Variants in SOX6 observed in about 807,000 individuals in gnomAD.
SOX6 encodes transcription factor SOX-6.
A neutral mutation model predicts 97.8 loss-of-function variants in SOX6; 11 were observed. The ratio of observed to expected loss-of-function variants is 0.11; its 90% confidence interval spans 0.07 to 0.19. The LOEUF is 0.19. SOX6 is among the 10% of genes least tolerant of loss of function. SOX6 has a pLI of 1.00. For synonymous variants in SOX6, 360 were observed against 371.4 expected (o/e 0.97, Z 0.35); for missense variants, 810 against 1,039.5 (o/e 0.78, Z 3.04).
chr11:16,587,479 T>C (rs1279866478), intron 4 of SOX6, among the ~76,000 whole-genome samples: 1 of 152,222 alleles, frequency 6.6e-6, no homozygotes, highest in Admixed American at 6.5e-5. Context: ...ATAGGTACTA[T>C]TATTATCACC....
intron 7 of SOX6, among the ~76,000 whole-genome samples, chr11:16,100,339 A>T (rs1848912710): frequency 6.6e-6 from 1 of 151,790 alleles, no homozygotes; most frequent in Non-Finnish European, 1.5e-5. Context: ...CACTACTGTA[A>T]TCTGGCCCTT....
chr11:16,375,317 T>C (rs1453309806), intron 1 of SOX6, among the ~76,000 whole-genome samples: 1 of 152,094 alleles, frequency 6.6e-6, no homozygotes, highest in Non-Finnish European at 1.5e-5. Context: ...ATTTTTTGCA[T>C]CACTGAACCA....
intron 3 of SOX6, among the ~76,000 whole-genome samples, chr11:16,285,596 G>A (rs1854711947): frequency 6.6e-6 from 1 of 151,972 alleles, no homozygotes; most frequent in Non-Finnish European, 1.5e-5. Flanking sequence ...AAATGTCAGG[G>A]TGTTTTTCAA....
At chr11:16,378,334 TA>T (rs1395273259) in intron 1 of SOX6, among the ~76,000 whole-genome samples, 1 of 151,908 alleles carries the variant, frequency 6.6e-6, no homozygotes, top group Non-Finnish European at 1.5e-5. Context: ...GAAGTGGGGG[TA>T]GGGGGAAAGA....
intron 4 of SOX6, among the ~76,000 whole-genome samples, chr11:16,523,465 T>G (rs531362210): frequency 3.3e-5 from 5 of 152,044 alleles, no homozygotes; most frequent in Admixed American, 2.0e-4. Flanking sequence ...CCAGAATCTC[T>G]GGGACACATT....
intron 3 of SOX6, among the ~76,000 whole-genome samples, chr11:16,697,416 C>T (rs1408578854): frequency 6.6e-6 from 1 of 152,078 alleles, no homozygotes; most frequent in African/African-American, 2.4e-5. Context: ...GGTGGATCAC[C>T]TGAGGTCAGG....
At chr11:16,547,096 A>T (rs1847630102) in intron 4 of SOX6, among the ~76,000 whole-genome samples, 1 of 152,174 alleles carries the variant, frequency 6.6e-6, no homozygotes, top group South Asian at 2.1e-4. Flanking sequence ...GGCTATTACT[A>T]AAAAGACAAA....
At chr11:16,344,732 G>A (rs1320091812) in intron 1 of SOX6, among the ~76,000 whole-genome samples, 1 of 151,558 alleles carries the variant, frequency 6.6e-6, no homozygotes, top group Non-Finnish European at 1.5e-5. Context: ...AAATCCTTGT[G>A]GAAATGGTCA....
At chr11:16,406,348 G>C (rs781150259) in intron 1 of SOX6, among the ~76,000 whole-genome samples, 4 of 152,074 alleles carry the variant, frequency 2.6e-5, no homozygotes, top group Non-Finnish European at 5.9e-5. Flanking sequence ...CCAAAACTTA[G>C]TGGCTTAAAA....
Position 15,980,967 on chromosome 11 carries a change from C to T in SOX6, c.2183+5237G>A, listed in dbSNP as rs560258803. Reference sequence around the variant, plus strand: ...TAGAATTCTCTGAAACTCATGTGTACAGAAATAATGCCTCATGTACCATAT... The same window carrying T: ...TAGAATTCTCTGAAACTCATGTGTATAGAAATAATGCCTCATGTACCATAT... On this transcript the variant is annotated intron_variant, in intron 15 of 15. Coordinates refer to ENST00000683767, the MANE Select transcript of SOX6 (RefSeq NM_001367873.1). Among the ~76,000 whole-genome samples the T allele has an allele frequency of 1.1e-4, 17 of 152,140 alleles. No individual in the cohort carries two copies. The South Asian group carries it at 3.5e-3, about 32-fold the overall frequency.
rs144204382 is a variant in SOX6 at position 16,708,537 on chromosome 11, T to C, written n.429+6293A>G. ...TTTCCAGATAATATATCTTATGCTTTCAAATTTTGTTCAATTGAGGAAGTA... is the reference window on the plus strand; with the variant it reads ...TTTCCAGATAATATATCTTATGCTTCCAAATTTTGTTCAATTGAGGAAGTA... On this transcript the variant is annotated intron_variant and non_coding_transcript_variant, in intron 3 of 5. Transcript: ENST00000524520. Among the ~76,000 whole-genome samples, 86 of 152,374 alleles carry C rather than the reference T, an allele frequency of 5.6e-4. 1 individual carries two copies. The Middle Eastern group carries it at 0.024, about 42-fold the overall frequency.
chr11:16,031,040 C>G (rs1212636289), intron 12 of SOX6, among the ~76,000 whole-genome samples: 1 of 152,096 alleles, frequency 6.6e-6, no homozygotes, highest in Non-Finnish European at 1.5e-5. Context: ...ATTGTAAAGT[C>G]TTTTCCCACA....
At chr11:16,095,200 T>A (rs1848767318) in intron 9 of SOX6, among the ~76,000 whole-genome samples, 1 of 151,788 alleles carries the variant, frequency 6.6e-6, no homozygotes, top group Non-Finnish European at 1.5e-5. Context: ...TTTTAAAAAA[T>A]TCAACAGATA....
At chr11:16,395,889 C>A (rs1004668672) in intron 1 of SOX6, among the ~76,000 whole-genome samples, 5 of 151,674 alleles carry the variant, frequency 3.3e-5, no homozygotes, top group Admixed American at 2.6e-4. Context: ...GGTATTTATA[C>A]CATTCTTTAG....
At chr11:16,048,136 T>C (rs1252963010) in intron 11 of SOX6, among the ~76,000 whole-genome samples, 1 of 152,000 alleles carries the variant, frequency 6.6e-6, no homozygotes, top group Non-Finnish European at 1.5e-5. Context: ...AATTTCAGAG[T>C]GAATTCTAGG....
intron 4 of SOX6, among the ~76,000 whole-genome samples, chr11:16,546,163 A>G (rs945614685): frequency 6.6e-6 from 1 of 152,078 alleles, no homozygotes. Context: ...AGCCTTTACC[A>G]AAAAAACTAC....
intron 12 of SOX6, among the ~76,000 whole-genome samples, chr11:16,016,790 T>A (rs904849050): frequency 1.3e-5 from 2 of 152,056 alleles, no homozygotes; most frequent in Non-Finnish European, 2.9e-5. Flanking sequence ...TTTCAAATAT[T>A]TGCATGTGAA....
intron 1 of SOX6, among the ~76,000 whole-genome samples, chr11:16,448,632 C>T (rs1347363112): frequency 6.6e-6 from 1 of 152,088 alleles, no homozygotes; most frequent in African/African-American, 2.4e-5. Context: ...AATTACTATC[C>T]TTCATTTAAG....
At position 16,713,926 on chromosome 11, in the gene SOX6, C is replaced by T. The variant is rs544785562; in HGVS notation, n.429+904G>A. On this transcript the variant is annotated intron_variant and non_coding_transcript_variant, in intron 3 of 5. Coordinates refer to the SOX6 transcript ENST00000524520. The stretch of plus-strand genomic sequence containing the variant: ...AAATGTTTTACTTCCCCACTAAGCA[C>T]ATGGTGTCCATACTCACGATTCTGC... Among the ~76,000 whole-genome samples the T allele has an allele frequency of 3.9e-5, 6 of 152,310 alleles. No individual in the cohort carries two copies. The South Asian group carries it at 1.2e-3, about 32-fold the overall frequency.
Sources: allele counts gnomAD v4.1 joint callset (sites outside exome capture counted in the v4.1 genomes callset), GRCh38; gene constraint gnomAD v4.1.1; transcripts MANE v1.5; gene names NCBI Gene and HGNC (gene_info 2026-07-23, HGNC 2026-07-21).